The following HERC1 variants were observed in gnomAD, a reference collection of about 807,000 sequenced individuals.
HERC1 encodes the protein probable E3 ubiquitin-protein ligase HERC1.
Under a neutral mutation model 554.3 loss-of-function variants are expected in HERC1, and 160 were observed. The ratio of observed to expected loss-of-function variants is 0.29; its 90% CI spans 0.25 to 0.33. The LOEUF (loss-of-function observed/expected upper bound fraction) is 0.33, where lower values mean the gene tolerates loss of function less well. Ranked by LOEUF, HERC1 falls within the 10% of genes least tolerant of loss-of-function variation. The pLI is 1.00. For missense variants in HERC1, 4,919 were observed against 5,918.5 expected, an observed-to-expected ratio of 0.83 and a Z score of 5.54; for synonymous variants, 2,175 against 2,131.7, an observed-to-expected ratio of 1.02 and a Z score of -0.56.
chr15:63,629,399 A>C (rs1308725383), intron 69 of HERC1, among the ~76,000 whole-genome samples: 1 of 152,234 alleles, frequency 6.6e-6, no homozygotes, highest in Non-Finnish European at 1.5e-5. Context: ...ACGGAAAGGA[A>C]ATGAATTCTT....
At chr15:63,663,286 T>C (rs2070448199) in intron 43 of HERC1, 82 bp from the exon 44 acceptor site, 17 of 1,131,420 alleles carry the variant, frequency 1.5e-5, no homozygotes, top group South Asian at 6.9e-5. Context: ...CTGCCATACA[T>C]GTAGGTGAGA....
At chr15:63,619,482 C>A (rs1282798192) in intron 74 of HERC1, among the ~76,000 whole-genome samples, 1 of 152,114 alleles carries the variant, frequency 6.6e-6, no homozygotes. Context: ...CTCTGCCAGG[C>A]TTTGGTTTCA....
At chr15:63,698,108 C>A (rs1480313347) in intron 26 of HERC1, among the ~76,000 whole-genome samples, 1 of 151,974 alleles carries the variant, frequency 6.6e-6, no homozygotes, top group Non-Finnish European at 1.5e-5. Flanking sequence ...TAAACTGAGA[C>A]AAATGGGTCA....
chr15:63,651,857 G>A (rs974559022), intron 52 of HERC1, among the ~76,000 whole-genome samples: 1 of 152,080 alleles, frequency 6.6e-6, no homozygotes, highest in Non-Finnish European at 1.5e-5. Context: ...CCAACATAGT[G>A]AAACCCTGTC....
At position 63,758,236 on chromosome 15, in the gene HERC1, T is replaced by C. The variant is rs1261654522; in HGVS notation, c.1160A>G (p.Glu387Gly). ...WGSNSSHQLVEGTQEKILQPK... is the reference protein window; with the variant it reads ...WGSNSSHQLVGGTQEKILQPK... Reference sequence around the variant, plus strand: ...TTGCAGTATTTTCTCCTGTGTACCTTCTACCAACTGATGGCTGCTATTGCT... The same window carrying C: ...TTGCAGTATTTTCTCCTGTGTACCTCCTACCAACTGATGGCTGCTATTGCT... Residue 387 changes from glutamate to glycine, a missense_variant, in exon 4 of 78, where the codon GAA becomes GGA. Coordinates refer to ENST00000443617, the MANE Select transcript of HERC1 (RefSeq NM_003922.4). This position sits in a 1 kb window ranked among gnomAD's most constrained non-coding sequence, Gnocchi z 4.0. 3 of 1,613,806 alleles carry C rather than the reference T, an allele frequency of 1.9e-6. No homozygotes were observed. Among genetic ancestry groups the C allele is most frequent in the African/African-American group, 2.7e-5 (2 of 74,932 alleles).
At chr15:63,781,762 C>A (rs1240983361) in intron 1 of HERC1, among the ~76,000 whole-genome samples, 1 of 152,202 alleles carries the variant, frequency 6.6e-6, no homozygotes, top group African/African-American at 2.4e-5. Flanking sequence ...AAAAGCTAAG[C>A]CTCTTGCGCC....
chr15:63,678,766 A>G (rs1055592581), intron 36 of HERC1, among the ~76,000 whole-genome samples: 1 of 152,222 alleles, frequency 6.6e-6, no homozygotes, highest in Non-Finnish European at 1.5e-5. Context: ...GTGCAAAAGT[A>G]AAATCATAAA....
intron 1 of HERC1, among the ~76,000 whole-genome samples, chr15:63,825,169 T>G (rs1403100766): frequency 6.6e-6 from 1 of 151,912 alleles, no homozygotes; most frequent in Non-Finnish European, 1.5e-5. Flanking sequence ...ATTAGCCAGG[T>G]GTGGCAGCAC....
chr15:63,805,642 A>G (rs538795365), intron 1 of HERC1, among the ~76,000 whole-genome samples: 7 of 152,344 alleles, frequency 4.6e-5, no homozygotes, highest in African/African-American at 1.7e-4. Flanking sequence ...TACCTCATCA[A>G]AGCTGACCAA....
intron 69 of HERC1, 80 bp downstream of exon 69, chr15:63,630,386 T>C (rs756503635): frequency 5.4e-5 from 74 of 1,383,140 alleles, no homozygotes; most frequent in Non-Finnish European, 7.1e-5. Flanking sequence ...ATGAATTTCC[T>C]AGCTTATCTC....
In HERC1 at chr15:63,655,800, T is replaced by C. The variant is rs768658957; in HGVS notation, c.10026A>G (p.Leu3342=). The part of the protein sequence containing the change: ...FVVTQALVAL[L]ADKGAKLRPN... ...GTCTTAGTTTGGCCCCTTTGTCTGC[T>C]AGCAATGCCACAAGGGCCTGTGTTA... The change falls in exon 50 of 78, where the codon CTA becomes CTG. Residue 3342 remains leucine, a synonymous_variant. Transcript: ENST00000443617. The C allele has an allele frequency of 2.5e-6, 4 of 1,584,058 alleles. No homozygotes were observed. The Admixed American group carries it at 5.4e-5, about 22-fold the overall frequency.
At chr15:63,686,243 A>G in intron 34 of HERC1, 116 bp downstream of exon 34, 1 of 712,570 alleles carries the variant, frequency 1.4e-6, no homozygotes, top group East Asian at 2.6e-5. Flanking sequence ...TTACATAATA[A>G]TAGAACATTT....
chr15:63,695,893 A>C (rs1223635231), intron 27 of HERC1, among the ~76,000 whole-genome samples: 1 of 152,208 alleles, frequency 6.6e-6, no homozygotes, highest in Non-Finnish European at 1.5e-5. Context: ...CTGGATAATA[A>C]AACTGGATTA....
intron 1 of HERC1, 153 bp downstream of exon 1, chr15:63,833,674 C>A (rs1356080845): frequency 6.6e-6 from 1 of 152,078 alleles, no homozygotes; most frequent in Non-Finnish European, 1.5e-5. Flanking sequence ...CACCCGGGAC[C>A]CCAGCAGCCC....
intron 32 of HERC1, 51 bp from the exon 33 acceptor site, chr15:63,689,750 A>C (rs909019122): frequency 9.0e-7 from 1 of 1,113,784 alleles, no homozygotes; most frequent in African/African-American, 1.6e-5. Flanking sequence ...AACTTTAAGT[A>C]TTTTTAGAAA....
Position 63,787,601 on chromosome 15 carries a change from G to A in HERC1, c.-26-11952C>T, listed in dbSNP as rs116429346. On this transcript the variant is annotated intron_variant, in intron 1 of 77. Transcript: ENST00000443617. ...TCGCTACATCAAGAATGACTTTGAT[G>A]GGTCAAACTATTATAGAGCCAGACT... 4.7e-3 allele frequency among the ~76,000 whole-genome samples: 718 copies of A among 152,162 alleles called. 10 individuals are homozygous for A. The highest frequency in any genetic ancestry group is 0.017 in the African/African-American group (690 of 41,520).
intron 67 of HERC1, 81 bp downstream of exon 67, chr15:63,633,767 T>C: frequency 2.8e-6 from 4 of 1,427,688 alleles, no homozygotes; most frequent in Non-Finnish European, 3.8e-6. Context: ...AAAGGTAAAT[T>C]ATTTCCAACT....
In HERC1 at chr15:63,615,904, G is replaced by T; in HGVS notation, c.13958C>A (p.Ser4653Tyr). 5 of 1,590,538 alleles carry T rather than the reference G, an allele frequency of 3.1e-6. No homozygotes were observed. The highest frequency in any genetic ancestry group is 4.3e-6 in the Non-Finnish European group (5 of 1,170,858). Residue 4653 changes from serine to tyrosine, a missense_variant, in exon 76 of 78, where the codon TCT becomes TAT. Ser to Tyr is a moderately radical substitution (Grantham distance 144). Coordinates refer to ENST00000443617, the MANE Select transcript of HERC1 (RefSeq NM_003922.4). ...ESFHEMIPLDSFVGQSADGKM... is the reference protein window; with the variant it reads ...ESFHEMIPLDYFVGQSADGKM... ...GCCATCAGCACTCTGGCCAACAAAA[G>T]AATCAAGAGGAATCATCTAGGAACA...
chr15:63,817,546 C>T (rs2077533223), intron 1 of HERC1, among the ~76,000 whole-genome samples: 1 of 152,106 alleles, frequency 6.6e-6, no homozygotes, highest in Non-Finnish European at 1.5e-5. Flanking sequence ...AAAACCGCAT[C>T]TCTACTAAAA....
Sources: gnomAD v4.1 joint callset for allele counts (sites outside exome capture counted in the v4.1 genomes callset) on GRCh38, gnomAD v4.1.1 for gene constraint, Gnocchi (gnomAD v3.1) non-coding constraint, MANE v1.5 for transcripts, NCBI Gene and HGNC (gene_info 2026-07-23, HGNC 2026-07-21) for gene names.